ARHGAP24: variants seen among roughly 807,000 people sequenced by gnomAD.
The protein encoded by ARHGAP24 is rho GTPase-activating protein 24.
In ARHGAP24, 50 loss-of-function variants were observed where a neutral mutation model predicts 76.4. The observed-to-expected ratio is 0.65, with a 90% CI of 0.52 to 0.83. The LOEUF (loss-of-function observed/expected upper bound fraction) is 0.83, where lower values mean the gene tolerates loss of function less well. ARHGAP24 is among the 40% of genes least tolerant of loss of function. The pLI, the probability that ARHGAP24 is intolerant of heterozygous loss-of-function variation, is 0.00. For missense variants in ARHGAP24, 930 were observed against 914.2 expected (o/e 1.02, Z -0.22); for synonymous variants, 345 against 323.3 (o/e 1.07, Z -0.72).
At chr4:85,909,571 T>C (rs566265676) in intron 3 of ARHGAP24, among the ~76,000 whole-genome samples, 67 of 152,210 alleles carry the variant, frequency 4.4e-4, no homozygotes, top group Non-Finnish European at 6.6e-4. Flanking sequence ...TCAGACAAGA[T>C]GCCCCCAAAC....
chr4:85,499,287 C>A (rs13102288), intron 1 of ARHGAP24, among the ~76,000 whole-genome samples: 13,874 of 152,148 alleles, frequency 0.091, 794 homozygotes, highest in African/African-American at 0.15. Flanking sequence ...AGGTTTAGTT[C>A]ATATTAGAAT....
At chr4:85,797,194 G>T (rs988676639) in intron 3 of ARHGAP24, among the ~76,000 whole-genome samples, 7 of 151,090 alleles carry the variant, frequency 4.6e-5, no homozygotes, top group Admixed American at 4.6e-4. Flanking sequence ...TGTTTTTTGA[G>T]ATGAGTCTTG....
At chr4:85,545,955 G>A (rs1725905986) in intron 1 of ARHGAP24, among the ~76,000 whole-genome samples, 1 of 152,162 alleles carries the variant, frequency 6.6e-6, no homozygotes, top group Non-Finnish European at 1.5e-5. Context: ...ATATAAAGTA[G>A]TAGTTAAGAA....
intron 2 of ARHGAP24, among the ~76,000 whole-genome samples, chr4:85,665,325 T>C (rs1578123144): frequency 6.6e-6 from 1 of 152,142 alleles, no homozygotes; most frequent in African/African-American, 2.4e-5. Context: ...TATCAGAGAC[T>C]AGGATTGCAA....
At chr4:85,683,339 A>G (rs924297002) in intron 2 of ARHGAP24, among the ~76,000 whole-genome samples, 4 of 152,132 alleles carry the variant, frequency 2.6e-5, no homozygotes, top group African/African-American at 9.7e-5. Flanking sequence ...ATTAAATTCT[A>G]TCCTAGCCCA....
At chr4:85,978,078 T>C (rs1739442519) in intron 8 of ARHGAP24, among the ~76,000 whole-genome samples, 1 of 152,182 alleles carries the variant, frequency 6.6e-6, no homozygotes, top group Non-Finnish European at 1.5e-5. Flanking sequence ...TTGACTGACT[T>C]AGGGAAAAAT....
At chr4:85,682,071 A>C (rs1254115175) in intron 2 of ARHGAP24, among the ~76,000 whole-genome samples, 2 of 152,118 alleles carry the variant, frequency 1.3e-5, no homozygotes, top group African/African-American at 2.4e-5. Context: ...CATCTAACTC[A>C]ATTCTGGGCT....
intron 2 of ARHGAP24, among the ~76,000 whole-genome samples, chr4:85,625,536 A>C (rs1013165090): frequency 1.3e-5 from 2 of 152,112 alleles, no homozygotes; most frequent in African/African-American, 4.8e-5. Context: ...AGCTGAAAAG[A>C]ATGTATATTC....
chr4:85,943,962 T>C (rs980204591), intron 5 of ARHGAP24, among the ~76,000 whole-genome samples: 1 of 152,158 alleles, frequency 6.6e-6, no homozygotes, highest in Non-Finnish European at 1.5e-5. Flanking sequence ...TATAATCCTT[T>C]GGGTATATAC....
At chr4:85,820,528 G>A in intron 3 of ARHGAP24, among the ~76,000 whole-genome samples, 1 of 151,934 alleles carries the variant, frequency 6.6e-6, no homozygotes, top group East Asian at 1.9e-4. Context: ...CTGACTATTG[G>A]GTTTTATACT....
chr4:85,970,513 T>C (rs1738907677), intron 5 of ARHGAP24, among the ~76,000 whole-genome samples: 1 of 151,820 alleles, frequency 6.6e-6, no homozygotes, highest in Non-Finnish European at 1.5e-5. Context: ...AGCCCAGGGG[T>C]TTCTATAATA....
In ARHGAP24 at chr4:85,570,650, C is replaced by T. The variant is rs1466583104; in HGVS notation, c.109C>T (p.His37Tyr). 6.2e-7 allele frequency: 1 copy of T among 1,613,994 alleles called. No homozygotes were observed. Among genetic ancestry groups the T allele is most frequent in the Non-Finnish European group, 8.5e-7 (1 of 1,180,030 alleles). ...RKQGGFVKTW[H>Y]TRWFVLKGDQ... ...GCAAGGAGGCTTTGTCAAGACTTGG[C>T]ATACTCGCTGGTTTGTGCTCAAGGG... Residue 37 changes from histidine (H) to tyrosine (Y), a missense_variant, in exon 2 of 10, where the codon CAT becomes TAT. Transcript: ENST00000395184.
intron 1 of ARHGAP24, among the ~76,000 whole-genome samples, chr4:85,478,683 C>A (rs991941839): frequency 1.2e-4 from 18 of 152,070 alleles, no homozygotes; most frequent in African/African-American, 3.9e-4. Context: ...TTTAGCTCCC[C>A]CTTTGTGTAC....
intron 1 of ARHGAP24, among the ~76,000 whole-genome samples, chr4:85,539,230 T>A (rs1169637354): frequency 6.6e-6 from 1 of 152,192 alleles, no homozygotes; most frequent in African/African-American, 2.4e-5. Context: ...TGGTTTCCTA[T>A]ATGTTCCATT....
chr4:85,975,882 A>G (rs1465935035), intron 7 of ARHGAP24: 2 of 152,232 alleles, frequency 1.3e-5, no homozygotes, highest in African/African-American at 2.4e-5. Context: ...TGTCAGTGTA[A>G]CTGAGTAGAA....
intron 2 of ARHGAP24, among the ~76,000 whole-genome samples, chr4:85,670,608 TTTTAG>T: frequency 6.6e-6 from 1 of 152,218 alleles, no homozygotes. Flanking sequence ...GGGGGTATAG[TTTTAG>T]TTCATTTATT....
intron 2 of ARHGAP24, among the ~76,000 whole-genome samples, chr4:85,636,896 A>G (rs1721328376): frequency 6.6e-6 from 1 of 152,028 alleles, no homozygotes; most frequent in African/African-American, 2.4e-5. Context: ...CTGCTGTCTT[A>G]CCCTCAGTGC....
At chr4:85,806,455 C>T (rs547658908) in intron 3 of ARHGAP24, among the ~76,000 whole-genome samples, 3 of 152,202 alleles carry the variant, frequency 2.0e-5, no homozygotes, top group Non-Finnish European at 2.9e-5. Context: ...AATTACATGG[C>T]CTAAAATTAC....
At chr4:85,616,133 G>T (rs1047587988) in intron 2 of ARHGAP24, among the ~76,000 whole-genome samples, 1 of 152,082 alleles carries the variant, frequency 6.6e-6, no homozygotes, top group Non-Finnish European at 1.5e-5. Context: ...TGCCTTTTCC[G>T]CATCATTGGT....
Sources: allele counts gnomAD v4.1 joint callset (sites outside exome capture counted in the v4.1 genomes callset), GRCh38; gene constraint gnomAD v4.1.1; transcripts MANE v1.5; gene names NCBI Gene and HGNC (gene_info 2026-07-23, HGNC 2026-07-21).